Variants in TMEM132D observed in about 807,000 individuals in gnomAD.
TMEM132D encodes transmembrane protein 132D.
A neutral mutation model predicts 62.3 loss-of-function variants in TMEM132D; 21 were observed. That is an observed-to-expected ratio of 0.34 (90% CI 0.24 to 0.49). The LOEUF (loss-of-function observed/expected upper bound fraction) is 0.49, where lower values mean the gene tolerates loss of function less well. Ranked by LOEUF, TMEM132D falls within the 20% of genes least tolerant of loss-of-function variation. TMEM132D has a pLI of 0.99. For synonymous variants in TMEM132D, 621 were observed against 575.6 expected, an observed-to-expected ratio of 1.08 and a Z score of -1.13; for missense variants, 1,346 against 1,402.8, an observed-to-expected ratio of 0.96 and a Z score of 0.65.
At chr12:129,891,557 G>A (rs1310239035) in intron 1 of TMEM132D, among the ~76,000 whole-genome samples, 1 of 152,202 alleles carries the variant, frequency 6.6e-6, no homozygotes, top group African/African-American at 2.4e-5. Context: ...GTGCAAAATG[G>A]TGCAGCCCTT....
At chr12:129,805,441 A>G (rs1321777099) in intron 1 of TMEM132D, among the ~76,000 whole-genome samples, 1 of 152,154 alleles carries the variant, frequency 6.6e-6, no homozygotes, top group Non-Finnish European at 1.5e-5. Context: ...AGCAATGGGG[A>G]AAGGATTCCC....
chr12:129,227,171 C>T (rs1302346397), intron 4 of TMEM132D, among the ~76,000 whole-genome samples: 6 of 151,884 alleles, frequency 4.0e-5, no homozygotes, highest in Non-Finnish European at 8.8e-5. Flanking sequence ...ACGTACCTGA[C>T]ATCCTCAAGC....
rs188551468 is a variant in TMEM132D, at chr12:129,452,212, T to C, written c.1115+78847A>G. 3.9e-4 allele frequency among the ~76,000 whole-genome samples: 60 copies of C among 152,330 alleles called. No homozygotes were observed. The East Asian group carries it at 0.011, about 28-fold the overall frequency. On this transcript the variant is annotated intron_variant, in intron 3 of 8. Transcript: ENST00000422113. ...TGGATTTTGCCTGAGAAAAGGGCAG[T>C]GCGTAATAGCGCCTGTCTTGGAAAA...
At chr12:129,077,729 C>T (rs555632066) in intron 8 of TMEM132D, among the ~76,000 whole-genome samples, 21 of 152,100 alleles carry the variant, frequency 1.4e-4, no homozygotes, top group Admixed American at 2.0e-4. Flanking sequence ...AACAAATAGA[C>T]ACATGCAATG....
chr12:129,587,208 C>G (rs973548413), intron 2 of TMEM132D, among the ~76,000 whole-genome samples: 1 of 151,984 alleles, frequency 6.6e-6, no homozygotes, highest in African/African-American at 2.4e-5. Flanking sequence ...ACTATGCAGC[C>G]ATAAAAAAGA....
chr12:129,822,311 C>T (rs12831334), intron 1 of TMEM132D, among the ~76,000 whole-genome samples: 8,151 of 152,178 alleles, frequency 0.054, 248 homozygotes, highest in East Asian at 0.094. Context: ...ACTCACAGGA[C>T]TCAGCATATG....
chr12:129,211,743 T>C (rs924758880), intron 4 of TMEM132D, among the ~76,000 whole-genome samples: 5 of 152,222 alleles, frequency 3.3e-5, no homozygotes, highest in African/African-American at 1.2e-4. Flanking sequence ...TGTTGGAATA[T>C]GCATAGGCCT....
chr12:129,864,362 A>G (rs904919569), intron 1 of TMEM132D, among the ~76,000 whole-genome samples: 4 of 152,234 alleles, frequency 2.6e-5, no homozygotes, highest in Non-Finnish European at 5.9e-5. Context: ...TTTCTCTCCT[A>G]TAGAAACAGC....
intron 1 of TMEM132D, among the ~76,000 whole-genome samples, chr12:129,851,846 T>C (rs1166384111): frequency 6.6e-6 from 1 of 152,250 alleles, no homozygotes; most frequent in African/African-American, 2.4e-5. Context: ...GCCACCAATG[T>C]ATGAGTATGG....
intron 3 of TMEM132D, among the ~76,000 whole-genome samples, chr12:129,339,483 C>T (rs186975948): frequency 1.9e-3 from 280 of 143,718 alleles, no homozygotes; most frequent in Non-Finnish European, 3.2e-3. Flanking sequence ...ACAAAACGCA[C>T]TCCCTCTTGG....
At chr12:129,532,640 C>T (rs1876262226) in intron 2 of TMEM132D, among the ~76,000 whole-genome samples, 1 of 152,190 alleles carries the variant, frequency 6.6e-6, no homozygotes, top group Non-Finnish European at 1.5e-5. Flanking sequence ...CGTTCCCTCC[C>T]TTTTCATGGT....
chr12:129,122,045 T>G (rs542683504), intron 5 of TMEM132D, among the ~76,000 whole-genome samples: 1 of 152,190 alleles, frequency 6.6e-6, no homozygotes, highest in Admixed American at 6.5e-5. Flanking sequence ...AGCCCTAGAA[T>G]GCAGTCACTC....
At chr12:129,353,593 G>T (rs780548313) in intron 3 of TMEM132D, among the ~76,000 whole-genome samples, 1 of 152,102 alleles carries the variant, frequency 6.6e-6, no homozygotes, top group Non-Finnish European at 1.5e-5. Flanking sequence ...GATTGGGCAG[G>T]TTTTGCTTGG....
Position 129,778,251 on chromosome 12 carries a change from C to T in TMEM132D, c.80-77553G>A, listed in dbSNP as rs144190935. On this transcript the variant is annotated intron_variant, in intron 1 of 8. Coordinates refer to ENST00000422113, the MANE Select transcript of TMEM132D (RefSeq NM_133448.3). The stretch of plus-strand genomic sequence containing the variant: ...TTTAAAAAAAATTACCAGAAATTGC[C>T]CCCTTTAAATTTCAAAATTTTCCTA... Among the ~76,000 whole-genome samples, 751 of 151,818 alleles carry T rather than the reference C, an allele frequency of 4.9e-3. 11 individuals are homozygous for T. The highest frequency in any genetic ancestry group is 0.017 in the African/African-American group (700 of 41,364).
chr12:129,282,905 G>T (rs563128846), intron 4 of TMEM132D, among the ~76,000 whole-genome samples: 9 of 152,260 alleles, frequency 5.9e-5, no homozygotes, highest in Middle Eastern at 6.8e-3. Context: ...ATGCACTCTG[G>T]TCAGTAAAGT....
chr12:129,903,246 C>G lies in TMEM132D; in HGVS notation c.79+15G>C, dbSNP rs1593205569. ...GAAGTTAGTCCCCGGGCCCTGGCGG[C>G]CGCGGCGTCCTCACCTTTGGAAAAC... On this transcript the variant is annotated intron_variant, in intron 1 of 8. Transcript: ENST00000422113. The surrounding 1 kb of genome is among the most constrained non-coding windows in gnomAD (Gnocchi z 6.2). 1 of 1,551,670 alleles carries G rather than the reference C, an allele frequency of 6.4e-7. No individual in the cohort carries two copies. Among genetic ancestry groups the G allele is most frequent in the Non-Finnish European group, 8.7e-7 (1 of 1,147,042 alleles).
chr12:129,449,435 T>C (rs1477976812), intron 3 of TMEM132D, among the ~76,000 whole-genome samples: 2 of 152,188 alleles, frequency 1.3e-5, no homozygotes, highest in Admixed American at 6.5e-5. Context: ...AAGTTTCCAC[T>C]AAACCCGCCA....
intron 5 of TMEM132D, among the ~76,000 whole-genome samples, chr12:129,136,083 T>C (rs960033371): frequency 6.6e-6 from 1 of 152,128 alleles, no homozygotes; most frequent in African/African-American, 2.4e-5. Context: ...TCCCTCAGAG[T>C]ACCTAAGAGC....
At chr12:129,415,910 T>A (rs1872106578) in intron 3 of TMEM132D, among the ~76,000 whole-genome samples, 1 of 152,174 alleles carries the variant, frequency 6.6e-6, no homozygotes, top group African/African-American at 2.4e-5. Flanking sequence ...TCTCTGTTAA[T>A]CATTGGCCAT....
Sources: gnomAD v4.1 joint callset for allele counts (sites outside exome capture counted in the v4.1 genomes callset) on GRCh38, gnomAD v4.1.1 for gene constraint, Gnocchi (gnomAD v3.1) non-coding constraint, MANE v1.5 for transcripts, NCBI Gene and HGNC (gene_info 2026-07-23, HGNC 2026-07-21) for gene names.